The following SPIDR variants were observed in gnomAD, a reference collection of about 807,000 sequenced individuals.
The protein encoded by SPIDR is DNA repair-scaffolding protein.
Under a neutral mutation model 104.6 loss-of-function variants are expected in SPIDR, and 93 were observed. That is an observed-to-expected ratio of 0.89 (90% CI 0.75 to 1.06). The LOEUF (loss-of-function observed/expected upper bound fraction) is 1.06, where lower values mean the gene tolerates loss of function less well. Ranked by LOEUF, SPIDR falls within the 50% of genes least tolerant of loss-of-function variation. The pLI, the probability that SPIDR is intolerant of heterozygous loss-of-function variation, is 0.00. For missense variants in SPIDR, 1,154 were observed against 1,111.2 expected, an observed-to-expected ratio of 1.04 and a Z score of -0.55; for synonymous variants, 431 against 416.9, an observed-to-expected ratio of 1.03 and a Z score of -0.41.
chr8:47,720,379 T>A (rs1215225295), intron 16 of SPIDR, among the ~76,000 whole-genome samples: 3 of 152,220 alleles, frequency 2.0e-5, no homozygotes, highest in Admixed American at 1.3e-4. Flanking sequence ...ATGTTTAGTT[T>A]TCGAAGTAAC....
chr8:47,483,497 T>G (rs1266491052), intron 8 of SPIDR, among the ~76,000 whole-genome samples: 1 of 152,222 alleles, frequency 6.6e-6, no homozygotes, highest in African/African-American at 2.4e-5. Flanking sequence ...TTGAGGTGAC[T>G]GTATTCCCAA....
At position 47,598,980 on chromosome 8, in the gene SPIDR, C is replaced by T; in HGVS notation, c.1328C>T (p.Ala443Val). Residue 443 changes from alanine (A) to valine (V), a missense_variant, in exon 10 of 20, where the codon GCC (alanine) becomes GTC (valine). Physicochemically the swap from Ala to Val is moderately conservative, Grantham distance 64. Coordinates refer to ENST00000297423, the MANE Select transcript of SPIDR (RefSeq NM_001080394.4). ...AGTGGTGTAGCCACTACAGGGACAG[C>T]CTGGACCCATGGGCACAAAGAAGCA... ...VCSGVATTGT[A>V]WTHGHKEAKQ... is the part of the protein sequence containing the mutation. 1 of 1,613,882 alleles carries T rather than the reference C, an allele frequency of 6.2e-7. No homozygotes were observed. The highest frequency in any genetic ancestry group is 2.2e-5 in the East Asian group (1 of 44,888).
chr8:47,563,479 T>C (rs1191911826), intron 8 of SPIDR, among the ~76,000 whole-genome samples: 2 of 152,170 alleles, frequency 1.3e-5, no homozygotes, highest in African/African-American at 2.4e-5. Context: ...TGGCCCCACA[T>C]GGGCCCTCTT....
chr8:47,260,923 C>G, upstream of SPIDR: 1 of 1,222,694 alleles, frequency 8.2e-7, no homozygotes, highest in South Asian at 3.9e-5. Flanking sequence ...CGGCGGCGCG[C>G]TGAGGAGGCG....
At chr8:47,537,192 T>A (rs760695459) in intron 8 of SPIDR, among the ~76,000 whole-genome samples, 3 of 152,250 alleles carry the variant, frequency 2.0e-5, no homozygotes, top group Non-Finnish European at 4.4e-5. Flanking sequence ...TACCATATGA[T>A]CCAGCAATTG....
chr8:47,673,174 A>G (rs1297647454), intron 10 of SPIDR, among the ~76,000 whole-genome samples: 1 of 152,254 alleles, frequency 6.6e-6, no homozygotes, highest in East Asian at 1.9e-4. Context: ...TCAGTCATAA[A>G]TAGGCTCTCA....
intron 5 of SPIDR, among the ~76,000 whole-genome samples, chr8:47,317,716 C>T (rs1056990151): frequency 2.0e-5 from 3 of 152,128 alleles, no homozygotes; most frequent in African/African-American, 4.8e-5. Context: ...CAGACTAACA[C>T]CTCACATGGC....
chr8:47,335,682 C>T (rs1465092240), intron 5 of SPIDR, among the ~76,000 whole-genome samples: 1 of 152,184 alleles, frequency 6.6e-6, no homozygotes, highest in African/African-American at 2.4e-5. Context: ...AACTCCTGGC[C>T]TCAAGTGATA....
At chr8:47,622,406 A>G (rs936389119) in intron 10 of SPIDR, among the ~76,000 whole-genome samples, 1 of 152,152 alleles carries the variant, frequency 6.6e-6, no homozygotes, top group African/African-American at 2.4e-5. Flanking sequence ...CCTCCTGGCC[A>G]CAGGAGGCAT....
intron 7 of SPIDR, among the ~76,000 whole-genome samples, chr8:47,410,346 A>C (rs1225479970): frequency 1.3e-5 from 2 of 151,646 alleles, no homozygotes; most frequent in Non-Finnish European, 2.9e-5. Flanking sequence ...ACGCCTGGCT[A>C]ATTTTTGTAT....
chr8:47,401,337 A>G (rs190734199), intron 6 of SPIDR, among the ~76,000 whole-genome samples: 142 of 152,366 alleles, frequency 9.3e-4, no homozygotes, highest in African/African-American at 3.3e-3. Flanking sequence ...AGAAAGCACT[A>G]AACATGGAAA....
intron 8 of SPIDR, among the ~76,000 whole-genome samples, chr8:47,590,502 T>G (rs1427643969): frequency 6.6e-6 from 1 of 152,228 alleles, no homozygotes; most frequent in Non-Finnish European, 1.5e-5. Flanking sequence ...TGTTATTGAT[T>G]TTTAGTTTGA....
At chr8:47,614,885 C>T (rs752087675) in intron 10 of SPIDR, among the ~76,000 whole-genome samples, 1 of 152,068 alleles carries the variant, frequency 6.6e-6, no homozygotes, top group African/African-American at 2.4e-5. Context: ...TTTTAATAAT[C>T]ACCATCCTGA....
At chr8:47,453,106 C>T (rs1212355674) in intron 8 of SPIDR, among the ~76,000 whole-genome samples, 1 of 152,102 alleles carries the variant, frequency 6.6e-6, no homozygotes, top group Non-Finnish European at 1.5e-5. Flanking sequence ...TGAACTCCCA[C>T]TCACAGTTGC....
At chr8:47,673,741 T>C (rs142229229) in intron 10 of SPIDR, 60 bp from the exon 11 acceptor site, 76 of 1,610,640 alleles carry the variant, frequency 4.7e-5, no homozygotes. Context: ...GAGGGAAATC[T>C]TGATCTCTGT....
At chr8:47,604,730 A>G (rs1234638016) in intron 10 of SPIDR, among the ~76,000 whole-genome samples, 1 of 152,228 alleles carries the variant, frequency 6.6e-6, no homozygotes, top group African/African-American at 2.4e-5. Flanking sequence ...TGCTGAGATG[A>G]GAAAAACTAT....
intron 12 of SPIDR, 31 bp from the exon 13 acceptor site, chr8:47,701,690 T>C (rs370661567): frequency 1.3e-4 from 215 of 1,605,814 alleles, no homozygotes; most frequent in Non-Finnish European, 1.7e-4. Context: ...TAACAATACA[T>C]TCACCTTCTA....
At chr8:47,410,539 C>T (rs573653411) in intron 7 of SPIDR, among the ~76,000 whole-genome samples, 1 of 152,014 alleles carries the variant, frequency 6.6e-6, no homozygotes, top group African/African-American at 2.4e-5. Flanking sequence ...GACTTTGTTT[C>T]TTGGCGTTTT....
chr8:47,460,487 T>C (rs1554712741), intron 8 of SPIDR, among the ~76,000 whole-genome samples: 1 of 152,220 alleles, frequency 6.6e-6, no homozygotes, highest in African/African-American at 2.4e-5. Context: ...CTACTCCTGC[T>C]CAGTTTTGGT....
Sources: gnomAD v4.1 joint callset for allele counts (sites outside exome capture counted in the v4.1 genomes callset) on GRCh38, gnomAD v4.1.1 for gene constraint, MANE v1.5 for transcripts, NCBI Gene and HGNC (gene_info 2026-07-23, HGNC 2026-07-21) for gene names.